HELZ: variants seen among roughly 807,000 people sequenced by gnomAD.
The protein encoded by HELZ is helicase with zinc finger, also known as ATP-dependent RNA helicase with zinc finger domain.
In HELZ, 23 loss-of-function variants were observed where a neutral mutation model predicts 218.2. The ratio of observed to expected loss-of-function variants is 0.11; its 90% CI spans 0.08 to 0.15. HELZ has a LOEUF of 0.15. Among genes scored for constraint, HELZ ranks in the 10% least tolerant of loss-of-function variants. The probability of loss-of-function intolerance (pLI) is 1.00; values close to 1 mark genes in which losing one functional copy is unlikely to be tolerated. For synonymous variants in HELZ, 814 were observed against 829.4 expected (o/e 0.98, Z 0.32); for missense variants, 1,813 against 2,353.7 (o/e 0.77, Z 4.75).
At chr17:67,139,445 C>A (rs780141799) in intron 21 of HELZ, among the ~76,000 whole-genome samples, 1 of 152,152 alleles carries the variant, frequency 6.6e-6, no homozygotes, top group African/African-American at 2.4e-5. Flanking sequence ...CTGCTGCGCC[C>A]TCCCACCCCA....
intron 9 of HELZ, 48 bp from the exon 10 acceptor site, chr17:67,190,403 T>C (rs1169031864): frequency 6.9e-7 from 1 of 1,440,756 alleles, no homozygotes; most frequent in Middle Eastern, 1.8e-4. Context: ...TGTTGAACCA[T>C]TTAAAAATAA....
chr17:67,155,511 G>C (rs932184482), intron 17 of HELZ, among the ~76,000 whole-genome samples: 1 of 152,116 alleles, frequency 6.6e-6, no homozygotes. Context: ...GTATATGAAA[G>C]GAAATATGCA....
At chr17:67,235,881 C>T (rs539898429) in intron 3 of HELZ, among the ~76,000 whole-genome samples, 1 of 151,078 alleles carries the variant, frequency 6.6e-6, no homozygotes, top group South Asian at 2.1e-4. Context: ...CTGCCTCAGA[C>T]TCCCGAGTAG....
chr17:67,181,863 G>A (rs1275154864), intron 12 of HELZ, among the ~76,000 whole-genome samples: 1 of 152,142 alleles, frequency 6.6e-6, no homozygotes, highest in Non-Finnish European at 1.5e-5. Context: ...ATCTGAATTT[G>A]AGTCAAACTT....
chr17:67,089,668 T>TATATAGAGAGAGAGAGAGAG (rs71293575), intron 31 of HELZ, among the ~76,000 whole-genome samples: 7 of 70,636 alleles, frequency 9.9e-5, no homozygotes, highest in Admixed American at 1.6e-4. Context: ...TATATATATA[T>TATATAGAGAGAGAGAGAGAG]AGAGAGAGAG....
chr17:67,242,483 C>T (rs1047660785), intron 2 of HELZ, among the ~76,000 whole-genome samples: 17 of 146,972 alleles, frequency 1.2e-4, no homozygotes, highest in African/African-American at 4.3e-4. Context: ...CACATATATA[C>T]ATATATACAC....
chr17:67,137,814 T>A, intron 22 of HELZ, 117 bp downstream of exon 22: 1 of 754,392 alleles, frequency 1.3e-6, no homozygotes, highest in Non-Finnish European at 2.0e-6. Context: ...ATTAAAGAAC[T>A]TGATATGAAA....
At chr17:67,160,393 A>C (rs766922710) in intron 16 of HELZ, 31 bp from the exon 17 acceptor site, 76 of 1,443,152 alleles carry the variant, frequency 5.3e-5, no homozygotes, top group Non-Finnish European at 7.3e-5. Flanking sequence ...AATAAAAAGA[A>C]TGATAAAACA....
intron 3 of HELZ, among the ~76,000 whole-genome samples, chr17:67,221,879 C>A (rs369987219): frequency 6.7e-6 from 1 of 148,522 alleles, no homozygotes; most frequent in Non-Finnish European, 1.5e-5. Context: ...AGTCTCGCTG[C>A]GCAGCCCATG....
At chr17:67,215,784 C>A in intron 5 of HELZ, 115 bp downstream of exon 5, 1 of 731,736 alleles carries the variant, frequency 1.4e-6, no homozygotes, top group Non-Finnish European at 2.4e-6. Flanking sequence ...TCACTAGCCA[C>A]CACAGTAAGG....
chr17:67,217,392 G>A (rs1285520730), intron 4 of HELZ, among the ~76,000 whole-genome samples: 1 of 152,126 alleles, frequency 6.6e-6, no homozygotes, highest in Non-Finnish European at 1.5e-5. Flanking sequence ...TTTGATCTGA[G>A]CCACTCTGGC....
intron 3 of HELZ, among the ~76,000 whole-genome samples, chr17:67,237,471 G>A (rs1401672509): frequency 6.6e-6 from 1 of 152,096 alleles, no homozygotes; most frequent in African/African-American, 2.4e-5. Context: ...CTTAGCAGTG[G>A]ACTGTATCAG....
At chr17:67,176,077 A>AT (rs2039448093) in intron 13 of HELZ, among the ~76,000 whole-genome samples, 1 of 152,130 alleles carries the variant, frequency 6.6e-6, no homozygotes. Flanking sequence ...TTTCCTTTAA[A>AT]TTTTTTTAAT....
intron 4 of HELZ, among the ~76,000 whole-genome samples, chr17:67,218,354 T>C (rs1277092318): frequency 6.6e-6 from 1 of 152,216 alleles, no homozygotes; most frequent in Non-Finnish European, 1.5e-5. Context: ...GAACAGTGTC[T>C]AGTACACAGT....
rs1376292252 is a variant in HELZ at position 67,193,805 on chromosome 17, G to T, written c.557+162C>A. 2.0e-5 allele frequency among the ~76,000 whole-genome samples: 3 copies of T among 152,174 alleles called. No individual in the cohort carries two copies. The East Asian group carries it at 5.8e-4, about 29-fold the overall frequency. Reference sequence around the variant, plus strand: ...ATTGCTGTTTAGAATTAAAGGAAGAGAACTCATCAATATGGTTTTGACTTT... The same window carrying T: ...ATTGCTGTTTAGAATTAAAGGAAGATAACTCATCAATATGGTTTTGACTTT... On this transcript the variant is annotated intron_variant, in intron 9 of 32. Transcript: ENST00000358691.
At chr17:67,091,957 A>G (rs1161306305) in intron 31 of HELZ, among the ~76,000 whole-genome samples, 1 of 152,180 alleles carries the variant, frequency 6.6e-6, no homozygotes, top group Non-Finnish European at 1.5e-5. Flanking sequence ...ACAGTTCCCT[A>G]GAGAGAAAAA....
intron 21 of HELZ, among the ~76,000 whole-genome samples, chr17:67,141,692 T>C (rs2038330470): frequency 6.6e-6 from 1 of 151,962 alleles, no homozygotes; most frequent in African/African-American, 2.4e-5. Flanking sequence ...TTAAGATATA[T>C]ATTGTAAGCC....
At chr17:67,092,038 C>T (rs1028776253) in intron 31 of HELZ, among the ~76,000 whole-genome samples, 6 of 152,108 alleles carry the variant, frequency 3.9e-5, no homozygotes, top group East Asian at 3.9e-4. Flanking sequence ...AGCCAGATAA[C>T]GTGTGATGAA....
chr17:67,124,187 C>T (rs552049968), intron 24 of HELZ, among the ~76,000 whole-genome samples, 173 bp from the exon 25 acceptor site: 43 of 152,180 alleles, frequency 2.8e-4, no homozygotes, highest in Non-Finnish European at 5.3e-4. Flanking sequence ...TCTTTTTAAA[C>T]ATTATGTCAC....
Sources: gnomAD v4.1 joint callset for allele counts (sites outside exome capture counted in the v4.1 genomes callset) on GRCh38, gnomAD v4.1.1 for gene constraint, MANE v1.5 for transcripts, NCBI Gene and HGNC (gene_info 2026-07-23, HGNC 2026-07-21) for gene names.